Variants in CNBD1 observed in about 807,000 individuals in gnomAD.
CNBD1 encodes the protein cyclic nucleotide binding domain containing 1.
In CNBD1, 71 loss-of-function variants were observed where a neutral mutation model predicts 54.4. The ratio of observed to expected loss-of-function variants is 1.30; its 90% confidence interval spans 1.08 to 1.59. CNBD1 has a LOEUF of 1.59. Ranked by LOEUF, CNBD1 falls within the 40% of genes most tolerant of loss-of-function variation. CNBD1 has a pLI of 0.00. For synonymous variants in CNBD1, 182 were observed against 170.7 expected (o/e 1.07, Z -0.51); for missense variants, 659 against 518.0 (o/e 1.27, Z -2.64).
At chr8:86,985,604 G>A (rs1280422145) in intron 4 of CNBD1, among the ~76,000 whole-genome samples, 3 of 152,132 alleles carry the variant, frequency 2.0e-5, no homozygotes, top group Non-Finnish European at 2.9e-5. Flanking sequence ...CCATGATGTG[G>A]GTGTGTACTA....
At chr8:87,313,124 A>G (rs183664464) in intron 8 of CNBD1, among the ~76,000 whole-genome samples, 2 of 152,186 alleles carry the variant, frequency 1.3e-5, no homozygotes, top group East Asian at 3.9e-4. Flanking sequence ...AAAATACCAT[A>G]TACCCAACTT....
chr8:87,214,353 G>A (rs1483934139), intron 5 of CNBD1, among the ~76,000 whole-genome samples: 1 of 152,082 alleles, frequency 6.6e-6, no homozygotes, highest in Non-Finnish European at 1.5e-5. Context: ...CTAAAACATA[G>A]CAAGAGTCAC....
intron 4 of CNBD1, among the ~76,000 whole-genome samples, chr8:87,174,590 A>T (rs796342858): frequency 5.3e-5 from 8 of 152,150 alleles, no homozygotes; most frequent in African/African-American, 1.9e-4. Context: ...TGCCTTTTTT[A>T]GTTCTGTCAG....
intron 8 of CNBD1, among the ~76,000 whole-genome samples, chr8:87,339,575 C>T (rs928146567): frequency 3.9e-5 from 6 of 151,970 alleles, no homozygotes; most frequent in Admixed American, 2.6e-4. Flanking sequence ...GTGGTGACTT[C>T]CAAGCTTCTT....
intron 4 of CNBD1, among the ~76,000 whole-genome samples, chr8:87,145,229 A>G (rs375606623): frequency 6.6e-6 from 1 of 152,292 alleles, no homozygotes; most frequent in East Asian, 1.9e-4. Flanking sequence ...CAGAATGACA[A>G]ATAGATTGGG....
At chr8:87,309,010 A>G (rs1026511841) in intron 8 of CNBD1, among the ~76,000 whole-genome samples, 10 of 152,132 alleles carry the variant, frequency 6.6e-5, no homozygotes, top group Admixed American at 3.9e-4. Context: ...ATTTACATAG[A>G]TTCCATAACT....
chr8:87,094,402 AT>A (rs1234564955), intron 4 of CNBD1, among the ~76,000 whole-genome samples: 1 of 146,210 alleles, frequency 6.8e-6, no homozygotes, highest in African/African-American at 2.5e-5. Flanking sequence ...TTGTATTATT[AT>A]TTTTTTAACT....
intron 10 of CNBD1, among the ~76,000 whole-genome samples, chr8:87,368,412 G>T (rs1260368982): frequency 6.6e-6 from 1 of 151,996 alleles, no homozygotes; most frequent in Non-Finnish European, 1.5e-5. Context: ...GAAGTGAGAG[G>T]ACTGTTTGAG....
At chr8:87,006,342 A>G (rs1488913996) in intron 4 of CNBD1, among the ~76,000 whole-genome samples, 2 of 152,298 alleles carry the variant, frequency 1.3e-5, no homozygotes, top group South Asian at 2.1e-4. Context: ...ATTTCCTATA[A>G]TTATAACAAG....
chr8:87,382,735 G>A lies in CNBD1; in HGVS notation c.*108G>A. 3.9e-6 allele frequency: 3 copies of A among 776,228 alleles called. No individual in the cohort carries two copies. The highest frequency in any genetic ancestry group is 4.1e-6 in the Non-Finnish European group (2 of 489,932). 48.1% of individuals were successfully genotyped at this position (776,228 alleles called of 1,614,324 possible). A position where few individuals can be genotyped will look rare whatever the true frequency, so the allele number is the denominator to read the frequency against. On this transcript the variant is annotated 3_prime_UTR_variant, in exon 11 of 11. Transcript: ENST00000518476. ...CTACCAGCAATGAATTTGGTCTATT[G>A]TGACTACATATCCTGGATTCCCCAG...
intron 10 of CNBD1, 25 bp downstream of exon 10, chr8:87,353,811 T>G: frequency 6.5e-7 from 1 of 1,542,132 alleles, no homozygotes. Flanking sequence ...ATCTTTTAAC[T>G]GTTATACCAT....
intron 4 of CNBD1, among the ~76,000 whole-genome samples, chr8:87,124,562 T>C (rs1811954839): frequency 6.6e-6 from 1 of 151,756 alleles, no homozygotes; most frequent in Admixed American, 6.6e-5. Context: ...TATATGACCA[T>C]TTAATGGACA....
At chr8:87,405,863 G>A (rs1807642915) in intron 2 of CNBD1, among the ~76,000 whole-genome samples, 1 of 152,050 alleles carries the variant, frequency 6.6e-6, no homozygotes, top group Non-Finnish European at 1.5e-5. Flanking sequence ...AGAAATATTA[G>A]AATTATTGAT....
chr8:87,083,148 A>G (rs1196787368), intron 4 of CNBD1, among the ~76,000 whole-genome samples: 10 of 152,206 alleles, frequency 6.6e-5, no homozygotes, highest in Non-Finnish European at 1.5e-4. Context: ...CCCTGGCATA[A>G]CACTATGTGA....
chr8:87,175,991 G>A (rs1813188786), intron 4 of CNBD1, among the ~76,000 whole-genome samples: 1 of 152,176 alleles, frequency 6.6e-6, no homozygotes, highest in Admixed American at 6.5e-5. Flanking sequence ...GTCTTCTGCT[G>A]TGATAGGGCA....
intron 2 of CNBD1, among the ~76,000 whole-genome samples, chr8:87,419,307 G>C (rs1338200432): frequency 6.6e-6 from 1 of 151,870 alleles, no homozygotes; most frequent in African/African-American, 2.4e-5. Context: ...AAAAGAAGTA[G>C]AGATGGAAAG....
At chr8:87,294,641 A>G (rs1348577719) in intron 8 of CNBD1, among the ~76,000 whole-genome samples, 2 of 152,214 alleles carry the variant, frequency 1.3e-5, no homozygotes, top group Admixed American at 6.5e-5. Flanking sequence ...CATGTGTGGA[A>G]AGATATTTTT....
intron 2 of CNBD1, among the ~76,000 whole-genome samples, chr8:86,897,079 A>G (rs557526924): frequency 6.6e-6 from 1 of 152,212 alleles, no homozygotes; most frequent in Non-Finnish European, 1.5e-5. Flanking sequence ...GCAGATGTAT[A>G]GGGAGAATCA....
chr8:87,072,031 T>A (rs1470159662), intron 4 of CNBD1, among the ~76,000 whole-genome samples: 1 of 152,210 alleles, frequency 6.6e-6, no homozygotes, highest in Non-Finnish European at 1.5e-5. Flanking sequence ...CACTTAGTTC[T>A]TATTGTTGAA....
Sources: allele counts gnomAD v4.1 joint callset (sites outside exome capture counted in the v4.1 genomes callset), GRCh38; gene constraint gnomAD v4.1.1; transcripts MANE v1.5; gene names NCBI Gene and HGNC (gene_info 2026-07-23, HGNC 2026-07-21).